NANS: variants seen among roughly 807,000 people sequenced by gnomAD.
NANS encodes N-acetylneuraminate synthase, also known as N-acetylneuraminate-9-phosphate synthase.
In NANS, 29 loss-of-function variants were observed where a neutral mutation model predicts 33.3. That is an observed-to-expected ratio of 0.87 (90% CI 0.65 to 1.19). The LOEUF (loss-of-function observed/expected upper bound fraction) is 1.19, where lower values mean the gene tolerates loss of function less well. Ranked by LOEUF, NANS falls within the 50% of genes most tolerant of loss-of-function variation. The pLI, the probability that NANS is intolerant of heterozygous loss-of-function variation, is 0.00. For missense variants in NANS, 394 were observed against 461.1 expected, an observed-to-expected ratio of 0.85 and a Z score of 1.33; for synonymous variants, 163 against 177.2, an observed-to-expected ratio of 0.92 and a Z score of 0.64.
chr9:98,083,006 C>G lies in NANS; in HGVS notation c.1031C>G (p.Thr344Ser). 1.2e-6 allele frequency: 2 copies of G among 1,614,098 alleles called. No homozygotes were observed. The highest frequency in any genetic ancestry group is 1.7e-6 in the Non-Finnish European group (2 of 1,179,998). ...KVLVTVEEDD[T>S]IMEELVDNHG... ...CTGGTCACTGTTGAAGAGGATGACACCATCATGGAAGAATTGGTAGATAAT... is the reference window on the plus strand; with the variant it reads ...CTGGTCACTGTTGAAGAGGATGACAGCATCATGGAAGAATTGGTAGATAAT... The change falls in exon 6 of 6, where the codon ACC becomes AGC. Residue 344 changes from threonine to serine, a missense_variant. Transcript: ENST00000210444.
chr9:98,057,783 A>G (rs532954048), intron 1 of NANS, among the ~76,000 whole-genome samples: 4 of 152,020 alleles, frequency 2.6e-5, no homozygotes, highest in Admixed American at 1.3e-4. Flanking sequence ...CCCTTCATCA[A>G]TGCTACTCAA....
chr9:98,071,851 C>T (rs1829349590), intron 2 of NANS, among the ~76,000 whole-genome samples: 1 of 152,204 alleles, frequency 6.6e-6, no homozygotes, highest in Non-Finnish European at 1.5e-5. Flanking sequence ...ATGCAAGCTC[C>T]CTGAGCTCCT....
chr9:98,056,746 A>AGGCGGC lies in NANS; in HGVS notation c.-50_-45dup, dbSNP rs536951859. On this transcript the variant is annotated 5_prime_UTR_variant, in exon 1 of 6. Transcript: ENST00000210444. ...CAGCGTTGCTCACAGAACAGAGTAG[A>AGGCGGC]GGCGGCGGCGGCGGCGGCCGGACCC... 321 of 1,567,786 alleles carry AGGCGGC rather than the reference A, an allele frequency of 2.0e-4. No individual in the cohort carries two copies. The highest frequency in any genetic ancestry group is 1.8e-3 in the African/African-American group (131 of 73,444).
chr9:98,074,111 T>C (rs1415783594), intron 2 of NANS, among the ~76,000 whole-genome samples: 1 of 152,168 alleles, frequency 6.6e-6, no homozygotes. Flanking sequence ...CTGAGTCGAA[T>C]AAGTTTGGGA....
chr9:98,064,458 G>A (rs1829076206), intron 2 of NANS, among the ~76,000 whole-genome samples: 1 of 152,120 alleles, frequency 6.6e-6, no homozygotes, highest in African/African-American at 2.4e-5. Flanking sequence ...GTTTCACCAT[G>A]TTGACCAGGC....
chr9:98,056,972 G>C, intron 1 of NANS, 32 bp downstream of exon 1: 1 of 1,546,000 alleles, frequency 6.5e-7, no homozygotes, highest in Non-Finnish European at 8.7e-7. Flanking sequence ...CCCGGGATTC[G>C]GGCGCCGGGA....
rs1291794147 is a variant in NANS, at chr9:98,076,975, G to A, written c.406G>A (p.Asp136Asn). 1.9e-6 allele frequency: 3 copies of A among 1,611,392 alleles called. No individual in the cohort carries two copies. The African/African-American group carries it at 4.0e-5, about 22-fold the overall frequency. ...NVPFFKVGSG[D>N]TNNFPYLEKT... ...TCCATTTTTCAAAGTTGGATCTGGAGACACTAATAATTTTCCTTATCTGGA... is the reference window on the plus strand; with the variant it reads ...TCCATTTTTCAAAGTTGGATCTGGAAACACTAATAATTTTCCTTATCTGGA... The change falls in exon 3 of 6, where the codon GAC becomes AAC. Residue 136 changes from aspartate (D) to asparagine (N), a missense_variant. Asp to Asn is a conservative substitution (Grantham distance 23). Transcript: ENST00000210444.
chr9:98,070,807 ATTT>A lies in NANS; in HGVS notation c.349-6098_349-6096del, dbSNP rs11464981. Among the ~76,000 whole-genome samples, 294 of 144,786 alleles carry A rather than the reference ATTT, an allele frequency of 2.0e-3. 1 individual carries two copies. The highest frequency in any genetic ancestry group is 7.2e-3 in the African/African-American group (282 of 39,340). 95.0% of individuals were successfully genotyped at this position (144,786 alleles called of 152,430 possible). On this transcript the variant is annotated intron_variant, in intron 2 of 5. Coordinates refer to ENST00000210444, the MANE Select transcript of NANS (RefSeq NM_018946.4). ...AAAAAGATCTGCAGACTCTTTAGTAATTTTTTTTTTTTTTTGAGACAGGGTCTC... is the reference window on the plus strand; with the variant it reads ...AAAAAGATCTGCAGACTCTTTAGTAATTTTTTTTTTTTGAGACAGGGTCTC...
chr9:98,059,149 G>A (rs1172873911), intron 1 of NANS, among the ~76,000 whole-genome samples: 29 of 151,598 alleles, frequency 1.9e-4, no homozygotes, highest in Admixed American at 6.6e-4. Flanking sequence ...TCAGCCTCCC[G>A]AGTAGCTGGG....
Position 98,070,664 on chromosome 9 carries a change from C to T in NANS, c.349-6254C>T, listed in dbSNP as rs7040037. ...CAAACTCCCGACCTCAGGTGATCCG[C>T]CCACCTTGTCCTCCCAAAGTGCTGG... On this transcript the variant is annotated intron_variant, in intron 2 of 5. Coordinates refer to ENST00000210444, the MANE Select transcript of NANS (RefSeq NM_018946.4). 4.5e-3 allele frequency among the ~76,000 whole-genome samples: 689 copies of T among 152,226 alleles called. 6 individuals are homozygous for T. The highest frequency in any genetic ancestry group is 0.016 in the African/African-American group (656 of 41,520).
chr9:98,059,759 G>A (rs1828924435), intron 1 of NANS, among the ~76,000 whole-genome samples: 2 of 151,362 alleles, frequency 1.3e-5, no homozygotes, highest in African/African-American at 2.4e-5. Context: ...CAAACAATCC[G>A]GCTTTTATAT....
Position 98,076,908 on chromosome 9 carries a change from AT to A in NANS, c.349-5del. On this transcript the variant is annotated splice_polypyrimidine_tract_variant and intron_variant, in intron 2 of 5. Coordinates refer to ENST00000210444, the MANE Select transcript of NANS (RefSeq NM_018946.4). ...ATGGTGAAAAGGAGCTCCCTCTTTGATTTTTGTAGATGGCAGTTGAATTCCT... is the reference window on the plus strand; with the variant it reads ...ATGGTGAAAAGGAGCTCCCTCTTTGATTTTGTAGATGGCAGTTGAATTCCT... The A allele has an allele frequency of 6.2e-7, 1 of 1,605,772 alleles. No individual in the cohort carries two copies. The highest frequency in any genetic ancestry group is 8.5e-7 in the Non-Finnish European group (1 of 1,175,654).
chr9:98,056,762 G>A lies in NANS; in HGVS notation c.-47G>A, dbSNP rs770606631. 2 of 1,593,008 alleles carry A rather than the reference G, an allele frequency of 1.3e-6. No homozygotes were observed. Among genetic ancestry groups the A allele is most frequent in the African/African-American group, 1.3e-5 (1 of 74,146 alleles). ...ACAGAGTAGAGGCGGCGGCGGCGGCGGCCGGACCCAGACTGGTAGTGAGGC... is the reference window on the plus strand; with the variant it reads ...ACAGAGTAGAGGCGGCGGCGGCGGCAGCCGGACCCAGACTGGTAGTGAGGC... On this transcript the variant is annotated 5_prime_UTR_variant, in exon 1 of 6. Transcript: ENST00000210444.
intron 2 of NANS, chr9:98,069,136 TGTGA>T (rs1440132066): frequency 1.3e-5 from 2 of 152,220 alleles, no homozygotes; most frequent in African/African-American, 4.8e-5. Context: ...AAAACCTGTA[TGTGA>T]GTGTCATTAC....
chr9:98,072,294 C>G (rs1316190344), intron 2 of NANS, among the ~76,000 whole-genome samples: 1 of 152,280 alleles, frequency 6.6e-6, no homozygotes, highest in East Asian at 1.9e-4. Flanking sequence ...GACTCAGAAC[C>G]CTTTGGAGTT....
At chr9:98,082,754 G>GGAA in intron 5 of NANS, 92 bp from the exon 6 acceptor site, 1 of 1,243,758 alleles carries the variant, frequency 8.0e-7, no homozygotes, top group Non-Finnish European at 1.1e-6. Flanking sequence ...TACTGCCTGG[G>GGAA]GAAGACTGAT....
At chr9:98,063,470 G>A (rs1829044813) in intron 2 of NANS, among the ~76,000 whole-genome samples, 1 of 152,018 alleles carries the variant, frequency 6.6e-6, no homozygotes, top group Admixed American at 6.6e-5. Context: ...TCGAACTTTT[G>A]ACCTCAGGTT....
Position 98,065,010 on chromosome 9 carries a change from G to A in NANS, c.348+4013G>A, listed in dbSNP as rs1829094827. On this transcript the variant is annotated intron_variant, in intron 2 of 5. Coordinates refer to ENST00000210444, the MANE Select transcript of NANS (RefSeq NM_018946.4). ...GTTAATTACTGCCCTGCAACCTGGG[G>A]CAGGGGCCTCACTCTGCATCCAGTT... Among the ~76,000 whole-genome samples, 6 of 152,288 alleles carry A rather than the reference G, an allele frequency of 3.9e-5. No homozygotes were observed. In the South Asian group the frequency reaches 1.2e-3, roughly 32 times the overall value.
At chr9:98,078,663 C>T (rs1175284456) in intron 4 of NANS, among the ~76,000 whole-genome samples, 1 of 151,696 alleles carries the variant, frequency 6.6e-6, no homozygotes, top group African/African-American at 2.4e-5. Context: ...TGGTGAAACC[C>T]CTTCTTATTA....
Sources: allele counts gnomAD v4.1 joint callset (sites outside exome capture counted in the v4.1 genomes callset), GRCh38; gene constraint gnomAD v4.1.1; transcripts MANE v1.5; gene names NCBI Gene and HGNC (gene_info 2026-07-23, HGNC 2026-07-21).